The following NTNG1 variants were observed in gnomAD, a reference collection of about 807,000 sequenced individuals.
NTNG1 encodes the protein netrin G1, also known as netrin-G1.
Under a neutral mutation model 54.0 loss-of-function variants are expected in NTNG1, and 16 were observed. The ratio of observed to expected loss-of-function variants is 0.30; its 90% CI spans 0.20 to 0.45. The LOEUF (loss-of-function observed/expected upper bound fraction) is 0.45. NTNG1 is among the 20% of genes least tolerant of loss of function. The probability of loss-of-function intolerance (pLI) is 1.00; values close to 1 mark genes in which losing one functional copy is unlikely to be tolerated. For missense variants in NTNG1, 530 were observed against 678.7 expected (o/e 0.78, Z 2.43); for synonymous variants, 255 against 263.1 (o/e 0.97, Z 0.30).
chr1:107,438,536 G>A (rs1675753503), intron 7 of NTNG1, among the ~76,000 whole-genome samples: 1 of 152,034 alleles, frequency 6.6e-6, no homozygotes, highest in African/African-American at 2.4e-5. Flanking sequence ...CAGGAGAAGA[G>A]GAGAATAGGC....
At chr1:107,362,079 C>T (rs573743950) in intron 3 of NTNG1, among the ~76,000 whole-genome samples, 1 of 152,252 alleles carries the variant, frequency 6.6e-6, no homozygotes, top group Admixed American at 6.5e-5. Context: ...TCTTGTACCA[C>T]CATCACAATC....
chr1:107,325,054 T>C, intron 3 of NTNG1, 132 bp downstream of exon 3: 1 of 932,212 alleles, frequency 1.1e-6, no homozygotes, highest in Non-Finnish European at 1.6e-6. Flanking sequence ...ACTGTAGAAG[T>C]AGGTTCTGAA....
intron 2 of NTNG1, among the ~76,000 whole-genome samples, chr1:107,209,379 A>C (rs1290164930): frequency 6.6e-6 from 1 of 152,160 alleles, no homozygotes; most frequent in Non-Finnish European, 1.5e-5. Flanking sequence ...AGGAAGGCAG[A>C]AAAGGAAACA....
At chr1:107,258,305 G>T (rs1277288671) in intron 2 of NTNG1, among the ~76,000 whole-genome samples, 4 of 145,756 alleles carry the variant, frequency 2.7e-5, no homozygotes, top group African/African-American at 2.5e-5. Flanking sequence ...AAAAACCCAT[G>T]ATATTAGTAA....
chr1:107,263,701 C>A (rs1283838464), intron 2 of NTNG1, among the ~76,000 whole-genome samples: 1 of 152,208 alleles, frequency 6.6e-6, no homozygotes, highest in Non-Finnish European at 1.5e-5. Context: ...AGCCTTATAA[C>A]CTGAGGCAAT....
chr1:107,421,035 G>A (rs756104004), intron 5 of NTNG1: 20 of 1,317,648 alleles, frequency 1.5e-5, no homozygotes, highest in Admixed American at 8.9e-5. Context: ...CAGTTTGAAC[G>A]TTTCACTATT....
chr1:107,349,927 A>G (rs901735958), intron 3 of NTNG1, among the ~76,000 whole-genome samples: 1 of 152,210 alleles, frequency 6.6e-6, no homozygotes, highest in African/African-American at 2.4e-5. Context: ...ATCTAGGGAA[A>G]TAAATACCTT....
intron 3 of NTNG1, among the ~76,000 whole-genome samples, chr1:107,365,828 C>G (rs192604132): frequency 6.6e-6 from 1 of 152,298 alleles, no homozygotes; most frequent in Non-Finnish European, 1.5e-5. Context: ...CACTGTTATG[C>G]TCAAGCATTA....
intron 2 of NTNG1, among the ~76,000 whole-genome samples, chr1:107,289,702 G>T (rs138636886): frequency 2.0e-5 from 3 of 152,204 alleles, no homozygotes; most frequent in African/African-American, 7.2e-5. Context: ...GAGATAACGT[G>T]TCTTGTTCAT....
intron 2 of NTNG1, among the ~76,000 whole-genome samples, chr1:107,175,232 A>C (rs200660689): frequency 1.3e-5 from 2 of 152,118 alleles, no homozygotes; most frequent in East Asian, 3.9e-4. Flanking sequence ...GGTTCTCTGC[A>C]ATTTGATTTG....
At chr1:107,329,979 A>T (rs1668188145) in intron 3 of NTNG1, among the ~76,000 whole-genome samples, 1 of 152,252 alleles carries the variant, frequency 6.6e-6, no homozygotes, top group East Asian at 1.9e-4. Flanking sequence ...GTAGCAGAGA[A>T]GCTACTAATG....
intron 5 of NTNG1, among the ~76,000 whole-genome samples, chr1:107,420,051 G>A (rs1242840304): frequency 6.6e-6 from 1 of 151,994 alleles, no homozygotes; most frequent in Non-Finnish European, 1.5e-5. Context: ...ATGTCACTCA[G>A]TATTTCCTAT....
At chr1:107,422,095 A>G (rs545083432) in intron 5 of NTNG1, among the ~76,000 whole-genome samples, 3 of 152,244 alleles carry the variant, frequency 2.0e-5, no homozygotes, top group African/African-American at 7.2e-5. Flanking sequence ...GGAAAAGGGA[A>G]ACCAAGAGTA....
At chr1:107,152,097 T>C (rs12069806) in intron 2 of NTNG1, among the ~76,000 whole-genome samples, 3,833 of 152,010 alleles carry the variant, frequency 0.025, 172 homozygotes, top group African/African-American at 0.086. Context: ...TACACATACA[T>C]ATATATAAAT....
At chr1:107,226,138 C>T (rs1660660389) in intron 2 of NTNG1, among the ~76,000 whole-genome samples, 1 of 152,084 alleles carries the variant, frequency 6.6e-6, no homozygotes, top group Admixed American at 6.6e-5. Context: ...TTTAAAGGCA[C>T]TTTTAAGCTA....
intron 5 of NTNG1, among the ~76,000 whole-genome samples, chr1:107,417,758 T>G (rs1292359746): frequency 1.3e-5 from 2 of 152,080 alleles, no homozygotes; most frequent in Non-Finnish European, 2.9e-5. Flanking sequence ...ATAAAATAGC[T>G]GCTTTAATAG....
chr1:107,388,859 G>GA (rs1370658042), intron 3 of NTNG1, among the ~76,000 whole-genome samples: 2 of 152,184 alleles, frequency 1.3e-5, no homozygotes, highest in Non-Finnish European at 2.9e-5. Context: ...TGCAGAGACA[G>GA]AAAAAGAATG....
intron 2 of NTNG1, among the ~76,000 whole-genome samples, chr1:107,261,669 C>T (rs953707849): frequency 5.3e-5 from 8 of 152,088 alleles, no homozygotes; most frequent in Non-Finnish European, 7.4e-5. Flanking sequence ...CAGTGAAACC[C>T]CGTCTCTACT....
At chr1:107,417,608 T>C (rs1261605480) in intron 5 of NTNG1, among the ~76,000 whole-genome samples, 1 of 151,990 alleles carries the variant, frequency 6.6e-6, no homozygotes, top group Non-Finnish European at 1.5e-5. Flanking sequence ...CACATATCGG[T>C]GAGAAAACAG....
Sources: gnomAD v4.1 joint callset for allele counts (sites outside exome capture counted in the v4.1 genomes callset) on GRCh38, gnomAD v4.1.1 for gene constraint, MANE v1.5 for transcripts, NCBI Gene and HGNC (gene_info 2026-07-23, HGNC 2026-07-21) for gene names.